PDE4B: variants seen among roughly 807,000 people sequenced by gnomAD.
PDE4B encodes 3',5'-cyclic-AMP phosphodiesterase 4B.
PDE4B carries 20 observed loss-of-function variants against 82.2 expected under a neutral mutation model. The ratio of observed to expected loss-of-function variants is 0.24; its 90% confidence interval spans 0.17 to 0.35. The LOEUF (loss-of-function observed/expected upper bound fraction) is 0.35, where lower values mean the gene tolerates loss of function less well. PDE4B is among the 10% of genes least tolerant of loss of function. The pLI, the probability that PDE4B is intolerant of heterozygous loss-of-function variation, is 1.00. For synonymous variants in PDE4B, 320 were observed against 318.9 expected, an observed-to-expected ratio of 1.00 and a Z score of -0.04; for missense variants, 655 against 907.2, an observed-to-expected ratio of 0.72 and a Z score of 3.57.
At chr1:66,291,846 C>T (rs926683763) in intron 7 of PDE4B, among the ~76,000 whole-genome samples, 5 of 152,166 alleles carry the variant, frequency 3.3e-5, no homozygotes, top group African/African-American at 4.8e-5. Context: ...TTTCAATATC[C>T]GAGTATCTTA....
At chr1:65,925,891 A>G (rs748161068) in intron 3 of PDE4B, among the ~76,000 whole-genome samples, 1 of 152,160 alleles carries the variant, frequency 6.6e-6, no homozygotes, top group Non-Finnish European at 1.5e-5. Context: ...TCCACTGCCT[A>G]TGACCCCACG....
intron 3 of PDE4B, among the ~76,000 whole-genome samples, chr1:66,216,955 G>C (rs1290784355): frequency 3.9e-5 from 6 of 152,098 alleles, no homozygotes; most frequent in Admixed American, 3.9e-4. Flanking sequence ...CTAGACTTCA[G>C]CCTGTTATAA....
At chr1:66,041,039 G>A (rs1428887139) in intron 3 of PDE4B, among the ~76,000 whole-genome samples, 3 of 151,884 alleles carry the variant, frequency 2.0e-5, no homozygotes, top group African/African-American at 2.4e-5. Context: ...GCAGCTGGGC[G>A]TGTCTTCAAA....
At chr1:65,951,832 T>C (rs1392750909) in intron 3 of PDE4B, among the ~76,000 whole-genome samples, 1 of 152,100 alleles carries the variant, frequency 6.6e-6, no homozygotes, top group Non-Finnish European at 1.5e-5. Flanking sequence ...CATTTTCTCC[T>C]TTTTAGCCAT....
intron 3 of PDE4B, among the ~76,000 whole-genome samples, chr1:66,142,143 C>G (rs1284697473): frequency 6.6e-6 from 1 of 152,002 alleles, no homozygotes; most frequent in Non-Finnish European, 1.5e-5. Context: ...TCATAAAGGT[C>G]TTCATCCTTG....
rs866402880 is a variant in PDE4B at position 66,131,592 on chromosome 1, G to T, written c.282-115868G>T. Among the ~76,000 whole-genome samples the T allele has an allele frequency of 8.2e-4, 27 of 32,842 alleles. 1 individual carries two copies. The highest frequency in any genetic ancestry group is 7.4e-4 in the Admixed American group (2 of 2,720). 21.5% of individuals were successfully genotyped at this position (32,842 alleles called of 152,430 possible). A position where few individuals can be genotyped will look rare whatever the true frequency, so the allele number is the denominator to read the frequency against. On this transcript the variant is annotated intron_variant, in intron 3 of 16. Coordinates refer to ENST00000341517, the MANE Select transcript of PDE4B (RefSeq NM_002600.4). ...TATTTTCAATATTTTCTGAATGCCA[G>T]ATATATATATATATATATATATATA...
chr1:65,970,457 C>CA (rs910873825), intron 3 of PDE4B, among the ~76,000 whole-genome samples: 2 of 151,988 alleles, frequency 1.3e-5, no homozygotes, highest in African/African-American at 4.8e-5. Flanking sequence ...TTCTGGGATT[C>CA]ATACTTTATT....
At chr1:65,850,012 C>T (rs911544621) in intron 1 of PDE4B, among the ~76,000 whole-genome samples, 5 of 151,534 alleles carry the variant, frequency 3.3e-5, no homozygotes, top group Admixed American at 1.3e-4. Flanking sequence ...TGCCAAACTG[C>T]TTTCCAAAGC....
intron 6 of PDE4B, among the ~76,000 whole-genome samples, chr1:66,262,090 C>A (rs1427353204): frequency 6.6e-6 from 1 of 152,174 alleles, no homozygotes; most frequent in Non-Finnish European, 1.5e-5. Context: ...ATTTAATGAA[C>A]ATGTATGTAA....
chr1:66,141,663 C>G (rs1279959239), intron 3 of PDE4B, among the ~76,000 whole-genome samples: 2 of 151,968 alleles, frequency 1.3e-5, no homozygotes, highest in African/African-American at 4.8e-5. Context: ...ACATACAATA[C>G]TTGCCGGGCC....
At chr1:65,903,047 G>T (rs562878920) in intron 1 of PDE4B, among the ~76,000 whole-genome samples, 63 of 152,110 alleles carry the variant, frequency 4.1e-4, no homozygotes, top group Admixed American at 2.0e-3. Flanking sequence ...TTACAAAGGT[G>T]GTATTTTAAT....
At chr1:66,269,377 G>C (rs1176562215) in intron 7 of PDE4B, among the ~76,000 whole-genome samples, 1 of 152,168 alleles carries the variant, frequency 6.6e-6, no homozygotes, top group Non-Finnish European at 1.5e-5. Context: ...GAAAGACGCA[G>C]TAAATCCTCC....
chr1:66,040,748 G>C (rs1654321801), intron 3 of PDE4B, among the ~76,000 whole-genome samples: 1 of 151,948 alleles, frequency 6.6e-6, no homozygotes, highest in Non-Finnish European at 1.5e-5. Context: ...ATCAAGGAGA[G>C]TAAAGGTTAA....
intron 3 of PDE4B, among the ~76,000 whole-genome samples, chr1:66,009,347 T>C (rs1240278367): frequency 6.6e-6 from 1 of 152,220 alleles, no homozygotes; most frequent in Non-Finnish European, 1.5e-5. Context: ...ACCTGGATTA[T>C]CAAATTAACA....
At chr1:65,993,066 T>C (rs772876441) in intron 3 of PDE4B, 1 of 1,614,002 alleles carries the variant, frequency 6.2e-7, no homozygotes, top group Non-Finnish European at 8.5e-7. Context: ...ACCAAGGAAC[T>C]CACCATGCTT....
chr1:65,822,106 CTGG>C (rs1645959585), intron 1 of PDE4B, among the ~76,000 whole-genome samples: 1 of 152,070 alleles, frequency 6.6e-6, no homozygotes, highest in Admixed American at 6.6e-5. Context: ...TGAGCAGTAG[CTGG>C]TTAAATTTTG....
chr1:66,116,751 G>C (rs1354120506), intron 3 of PDE4B, among the ~76,000 whole-genome samples: 1 of 152,108 alleles, frequency 6.6e-6, no homozygotes, highest in Admixed American at 6.6e-5. Flanking sequence ...TTTTTGTAGA[G>C]ATGGGGTTTT....
At chr1:65,970,400 A>C (rs981373136) in intron 3 of PDE4B, among the ~76,000 whole-genome samples, 5 of 152,120 alleles carry the variant, frequency 3.3e-5, no homozygotes, top group Non-Finnish European at 7.4e-5. Flanking sequence ...ATGTATTTGG[A>C]AGATAAATGG....
intron 1 of PDE4B, among the ~76,000 whole-genome samples, chr1:65,858,059 A>G (rs1405275272): frequency 1.3e-5 from 2 of 152,190 alleles, no homozygotes; most frequent in East Asian, 1.9e-4. Flanking sequence ...GAAGTTCCCA[A>G]ATAGACTCAG....
Sources: gnomAD v4.1 joint callset for allele counts (sites outside exome capture counted in the v4.1 genomes callset) on GRCh38, gnomAD v4.1.1 for gene constraint, MANE v1.5 for transcripts, NCBI Gene and HGNC (gene_info 2026-07-23, HGNC 2026-07-21) for gene names.